NSUN6: variants seen among roughly 807,000 people sequenced by gnomAD.
NSUN6 encodes the protein tRNA (cytosine(72)-C(5))-methyltransferase NSUN6.
A neutral mutation model predicts 58.0 loss-of-function variants in NSUN6; 64 were observed. The ratio of observed to expected loss-of-function variants is 1.10; its 90% CI spans 0.90 to 1.36. The LOEUF (loss-of-function observed/expected upper bound fraction) is 1.36. Among genes scored for constraint, NSUN6 ranks in the 40% most tolerant of loss-of-function variants. NSUN6 has a pLI of 0.00. For synonymous variants in NSUN6, 231 were observed against 193.9 expected (o/e 1.19, Z -1.59); for missense variants, 701 against 550.1 (o/e 1.27, Z -2.74).
At chr10:18,605,756 A>G (rs923344668) in intron 6 of NSUN6, among the ~76,000 whole-genome samples, 2 of 152,210 alleles carry the variant, frequency 1.3e-5, no homozygotes, top group Non-Finnish European at 2.9e-5. Context: ...TACAGCATCA[A>G]TAAGTAATGG....
chr10:18,600,713 A>G (rs2057771068), intron 6 of NSUN6, among the ~76,000 whole-genome samples: 1 of 151,684 alleles, frequency 6.6e-6, no homozygotes, highest in Admixed American at 6.6e-5. Flanking sequence ...GGATCCCCTG[A>G]GGTCAGGAGT....
At chr10:18,597,052 C>A (rs2057617516) in intron 6 of NSUN6, among the ~76,000 whole-genome samples, 1 of 152,008 alleles carries the variant, frequency 6.6e-6, no homozygotes, top group Admixed American at 6.6e-5. Context: ...AATGCAAAAA[C>A]AAACAAACAA....
chr10:18,626,472 A>G (rs2058810370), intron 3 of NSUN6, among the ~76,000 whole-genome samples: 1 of 152,230 alleles, frequency 6.6e-6, no homozygotes, highest in African/African-American at 2.4e-5. Flanking sequence ...TGGAAAGTCA[A>G]AAGAGACTTA....
intron 2 of NSUN6, among the ~76,000 whole-genome samples, chr10:18,643,813 T>C (rs747980916): frequency 5.3e-5 from 8 of 152,206 alleles, no homozygotes; most frequent in Non-Finnish European, 8.8e-5. Context: ...TGATTTAGAC[T>C]ATAGAAATAT....
intron 7 of NSUN6, among the ~76,000 whole-genome samples, chr10:18,586,787 G>T (rs902746381): frequency 6.6e-6 from 1 of 151,548 alleles, no homozygotes; most frequent in African/African-American, 2.4e-5. Context: ...TGCAGCTACT[G>T]GCTCTGGTGG....
rs760321487 is a variant in NSUN6 at position 18,629,576 on chromosome 10, GA to G, written c.311+12899del. Among the ~76,000 whole-genome samples, 4 of 128,914 alleles carry G rather than the reference GA, an allele frequency of 3.1e-5. 1 individual carries two copies. Among genetic ancestry groups the G allele is most frequent in the African/African-American group, 5.7e-5 (2 of 35,342 alleles). The allele number at this position is 128,914 out of a possible 152,430, so 84.6% of individuals were successfully genotyped here. ...TGGAGGAAGATCTACCAAGCTAATG[GA>G]AAACAAAAAAGGCAGGGGTTACAAT... On this transcript the variant is annotated intron_variant, in intron 3 of 10. Coordinates refer to ENST00000377304, the MANE Select transcript of NSUN6 (RefSeq NM_182543.5).
At chr10:18,579,917 G>C (rs2056831574) in intron 8 of NSUN6, among the ~76,000 whole-genome samples, 2 of 152,140 alleles carry the variant, frequency 1.3e-5, no homozygotes, top group African/African-American at 2.4e-5. Flanking sequence ...TGAAAAGAAT[G>C]GGAAGCAGGT....
intron 7 of NSUN6, among the ~76,000 whole-genome samples, chr10:18,590,552 C>A (rs1589979505): frequency 1.3e-5 from 2 of 152,206 alleles, no homozygotes; most frequent in Non-Finnish European, 2.9e-5. Flanking sequence ...TCATAACAAA[C>A]AGTCTCTCAG....
At chr10:18,588,100 ACT>A (rs1401688031) in intron 7 of NSUN6, among the ~76,000 whole-genome samples, 1 of 152,170 alleles carries the variant, frequency 6.6e-6, no homozygotes, top group African/African-American at 2.4e-5. Flanking sequence ...ATCCGCCATT[ACT>A]GAGTCTTCAG....
intron 8 of NSUN6, among the ~76,000 whole-genome samples, chr10:18,567,069 T>C (rs2056012550): frequency 6.7e-6 from 1 of 149,840 alleles, no homozygotes; most frequent in Non-Finnish European, 1.5e-5. Context: ...TTCTATTCCA[T>C]TCTCCATTCC....
In NSUN6 at chr10:18,575,580, C is replaced by T. The variant is rs180849420; in HGVS notation, c.922+10369G>A. 4.7e-4 allele frequency among the ~76,000 whole-genome samples: 71 copies of T among 152,258 alleles called. 1 individual carries two copies. The East Asian group carries it at 0.012, about 25-fold the overall frequency. On this transcript the variant is annotated intron_variant, in intron 8 of 10. Transcript: ENST00000377304. ...AAACATTAGACATTAGATGGCAATA[C>T]CATACTCCCTGGCACCAACCCTCAT...
chr10:18,546,145 C>A lies in NSUN6; in HGVS notation c.1198G>T (p.Glu400Ter), dbSNP rs766216124. The A allele has an allele frequency of 1.2e-6, 2 of 1,605,802 alleles. No individual in the cohort carries two copies. Among genetic ancestry groups the A allele is most frequent in the Non-Finnish European group, 1.7e-6 (2 of 1,172,536 alleles). Residue 400 changes from glutamate to a stop codon, truncating the protein, a stop_gained and splice_region_variant, in exon 11 of 11, where the codon GAA becomes TAA. Transcript: ENST00000377304. LOFTEE classifies it high-confidence loss of function. The part of the protein sequence containing the change: ...KFPCLQLQPQ[E>*]PQIGGEGMRG... ...ATTCCTTCTCCTCCAATCTGCGGTTCCTGTTTGGAGAAAGTGGATCAATAT... is the reference window on the plus strand; with the variant it reads ...ATTCCTTCTCCTCCAATCTGCGGTTACTGTTTGGAGAAAGTGGATCAATAT...
intron 8 of NSUN6, among the ~76,000 whole-genome samples, chr10:18,574,378 G>T (rs2056547687): frequency 6.6e-6 from 1 of 152,046 alleles, no homozygotes; most frequent in Non-Finnish European, 1.5e-5. Flanking sequence ...ATTTAACATA[G>T]ACCACCGAAA....
intron 8 of NSUN6, among the ~76,000 whole-genome samples, chr10:18,576,500 A>G (rs1218825980): frequency 6.6e-6 from 1 of 152,160 alleles, no homozygotes; most frequent in East Asian, 1.9e-4. Context: ...AGGTTTTTGT[A>G]ATTTCCTAAA....
chr10:18,620,781 G>T (rs1477143684), intron 3 of NSUN6, among the ~76,000 whole-genome samples: 1 of 152,128 alleles, frequency 6.6e-6, no homozygotes, highest in Non-Finnish European at 1.5e-5. Context: ...AGTCTGACTT[G>T]TACCAAAGTC....
intron 7 of NSUN6, among the ~76,000 whole-genome samples, chr10:18,590,945 T>A (rs183414719): frequency 6.6e-6 from 1 of 152,006 alleles, no homozygotes. Context: ...AAAGAATGAA[T>A]TGAGGAGCTG....
chr10:18,550,576 A>G (rs1244384480), intron 9 of NSUN6, among the ~76,000 whole-genome samples: 2 of 152,146 alleles, frequency 1.3e-5, no homozygotes, highest in Non-Finnish European at 2.9e-5. Context: ...CAAATGTTCT[A>G]TCTGGGCTTC....
intron 8 of NSUN6, among the ~76,000 whole-genome samples, chr10:18,561,461 A>T: frequency 9.6e-6 from 1 of 104,092 alleles, no homozygotes; most frequent in Non-Finnish European, 2.0e-5. Context: ...ATGGAATGGA[A>T]TGGAAAAAGG....
intron 3 of NSUN6, among the ~76,000 whole-genome samples, chr10:18,634,410 T>C (rs1275680968): frequency 2.0e-5 from 3 of 152,086 alleles, no homozygotes; most frequent in Non-Finnish European, 2.9e-5. Flanking sequence ...TTATCTCCTA[T>C]ACTATTGACA....
Sources: allele counts gnomAD v4.1 joint callset (sites outside exome capture counted in the v4.1 genomes callset), GRCh38; gene constraint gnomAD v4.1.1; transcripts MANE v1.5; gene names NCBI Gene and HGNC (gene_info 2026-07-23, HGNC 2026-07-21).